Variants in CDH10 observed in about 807,000 individuals in gnomAD.
CDH10 encodes the protein cadherin 10, also known as cadherin-10.
CDH10 carries 30 observed loss-of-function variants against 73.1 expected under a neutral mutation model. The observed-to-expected ratio is 0.41, with a 90% CI of 0.31 to 0.56. CDH10 has a LOEUF of 0.56. Among genes scored for constraint, CDH10 ranks in the 20% least tolerant of loss-of-function variants. The probability of loss-of-function intolerance (pLI) is 0.27; values close to 1 mark genes in which losing one functional copy is unlikely to be tolerated. For synonymous variants in CDH10, 345 were observed against 348.2 expected, an observed-to-expected ratio of 0.99 and a Z score of 0.10; for missense variants, 815 against 973.7, an observed-to-expected ratio of 0.84 and a Z score of 2.17.
At chr5:24,518,575 G>A (rs4296771) in intron 5 of CDH10, among the ~76,000 whole-genome samples, 72,289 of 151,440 alleles carry the variant, frequency 0.48, 17,318 homozygotes, top group East Asian at 0.58. Flanking sequence ...CTTATTCACA[G>A]TCTTTAGTAA....
intron 9 of CDH10, among the ~76,000 whole-genome samples, chr5:24,494,191 T>G (rs1579713806): frequency 1.3e-5 from 2 of 152,040 alleles, no homozygotes; most frequent in East Asian, 3.9e-4. Context: ...TTGACTAAAT[T>G]TTAATTGTAA....
intron 5 of CDH10, among the ~76,000 whole-genome samples, chr5:24,513,891 T>C (rs1743011726): frequency 6.6e-6 from 1 of 152,258 alleles, no homozygotes; most frequent in Non-Finnish European, 1.5e-5. Flanking sequence ...CATTAATAGC[T>C]TAACTGAAAA....
At chr5:24,634,059 T>C (rs1037712401) in intron 1 of CDH10, among the ~76,000 whole-genome samples, 3 of 151,872 alleles carry the variant, frequency 2.0e-5, no homozygotes, top group Non-Finnish European at 2.9e-5. Flanking sequence ...CTGATCACGT[T>C]GTGAAGCCTA....
chr5:24,528,183 A>G (rs540087394), intron 5 of CDH10, among the ~76,000 whole-genome samples: 1 of 151,756 alleles, frequency 6.6e-6, no homozygotes, highest in South Asian at 2.1e-4. Context: ...ATGAACATAA[A>G]TCGTAGAACA....
At chr5:24,524,119 C>T (rs1743439890) in intron 5 of CDH10, among the ~76,000 whole-genome samples, 1 of 152,120 alleles carries the variant, frequency 6.6e-6, no homozygotes, top group African/African-American at 2.4e-5. Context: ...CAGTTCCCTA[C>T]ATACAGAAGT....
intron 5 of CDH10, among the ~76,000 whole-genome samples, chr5:24,514,563 C>T (rs6452210): frequency 0.48 from 72,697 of 151,984 alleles, 17,500 homozygotes; most frequent in East Asian, 0.58. Context: ...TTAAATTTTA[C>T]ACAAGTGGCA....
At chr5:24,495,656 G>A (rs1176867423) in intron 9 of CDH10, among the ~76,000 whole-genome samples, 3 of 151,976 alleles carry the variant, frequency 2.0e-5, no homozygotes, top group Non-Finnish European at 4.4e-5. Flanking sequence ...AGACCATCCT[G>A]GCCAACATGG....
chr5:24,584,244 T>G (rs2112065753), intron 2 of CDH10, among the ~76,000 whole-genome samples: 1 of 152,212 alleles, frequency 6.6e-6, no homozygotes, highest in Non-Finnish European at 1.5e-5. Flanking sequence ...GTGATAGTAA[T>G]TATACCAATA....
rs199540371 is a variant in CDH10, at chr5:24,521,621, GA to G, written c.815-10108del. Among the ~76,000 whole-genome samples the G allele has an allele frequency of 5.1e-3, 763 of 148,790 alleles. 11 individuals are homozygous for G. The highest frequency in any genetic ancestry group is 0.018 in the African/African-American group (717 of 40,462). On this transcript the variant is annotated intron_variant, in intron 5 of 11. Transcript: ENST00000264463. ...GAGTGAAACTCTGTCTCAAAAAAAA[GA>G]AAAAAAAATTAAAAGCATAAAAACA...
At chr5:24,586,946 G>A (rs956833179) in intron 2 of CDH10, among the ~76,000 whole-genome samples, 1 of 147,034 alleles carries the variant, frequency 6.8e-6, no homozygotes. Context: ...CCGGGTTCAC[G>A]CCATTCTCCT....
At chr5:24,584,076 T>C (rs555559140) in intron 2 of CDH10, among the ~76,000 whole-genome samples, 2 of 152,312 alleles carry the variant, frequency 1.3e-5, no homozygotes, top group African/African-American at 4.8e-5. Flanking sequence ...TGAAGGCACA[T>C]ATTTTTTTCT....
rs542726575 is a variant in CDH10, at chr5:24,596,757, C to T, written c.-123-3144G>A. On this transcript the variant is annotated intron_variant, in intron 1 of 11. Coordinates refer to ENST00000264463, the MANE Select transcript of CDH10 (RefSeq NM_006727.5). ...TGAATAATATCCAGGTGATTTGAAACGTATTGAATTTTCCTCAATAGTAAA... is the reference window on the plus strand; with the variant it reads ...TGAATAATATCCAGGTGATTTGAAATGTATTGAATTTTCCTCAATAGTAAA... 1.8e-3 allele frequency among the ~76,000 whole-genome samples: 271 copies of T among 151,924 alleles called. 2 individuals carry two copies. Among genetic ancestry groups the T allele is most frequent in the South Asian group, 0.016 (76 of 4,820 alleles).
intron 7 of CDH10, 134 bp from the exon 8 acceptor site, chr5:24,505,382 G>A: frequency 1.4e-6 from 1 of 723,122 alleles, no homozygotes; most frequent in South Asian, 1.6e-5. Flanking sequence ...AATGTAGATT[G>A]TTTGAATGAC....
chr5:24,552,211 T>C (rs1488601603), intron 2 of CDH10, among the ~76,000 whole-genome samples: 1 of 152,034 alleles, frequency 6.6e-6, no homozygotes, highest in Admixed American at 6.6e-5. Context: ...ACTTTTGCCA[T>C]ATGAATTTGT....
chr5:24,498,136 A>T (rs1386787816), intron 9 of CDH10, among the ~76,000 whole-genome samples: 1 of 152,044 alleles, frequency 6.6e-6, no homozygotes. Context: ...GAAAGTAGTT[A>T]TTTTTTCTTA....
chr5:24,619,478 C>G (rs1310143684), intron 1 of CDH10, among the ~76,000 whole-genome samples: 4 of 152,112 alleles, frequency 2.6e-5, no homozygotes, highest in Non-Finnish European at 5.9e-5. Context: ...CAGGCGTGAG[C>G]CACCGTGCCC....
At chr5:24,622,776 T>C (rs1440840569) in intron 1 of CDH10, among the ~76,000 whole-genome samples, 1 of 152,194 alleles carries the variant, frequency 6.6e-6, no homozygotes, top group African/African-American at 2.4e-5. Flanking sequence ...AATAAAAGTA[T>C]AGGTAGTTAG....
chr5:24,507,799 GT>G (rs558489314), intron 7 of CDH10, among the ~76,000 whole-genome samples: 190 of 152,222 alleles, frequency 1.2e-3, no homozygotes, highest in African/African-American at 4.5e-3. Flanking sequence ...CAGCAATACA[GT>G]TGTTGGTAAA....
chr5:24,487,678 A>G lies in CDH10; in HGVS notation c.2352T>C (p.Ser784=). 6.2e-7 allele frequency: 1 copy of G among 1,611,646 alleles called. No individual in the cohort carries two copies. Among genetic ancestry groups the G allele is most frequent in the East Asian group, 2.2e-5 (1 of 44,838 alleles). The change falls in exon 12 of 12, where the codon AGT becomes AGC. Residue 784 remains serine (S), a synonymous_variant. Coordinates refer to ENST00000264463, the MANE Select transcript of CDH10 (RefSeq NM_006727.5). ...ATATCCTACGTTAAGAGTCTTTGTCACTTTCCCCACCACCATACATTTCTG... is the reference window on the plus strand; with the variant it reads ...ATATCCTACGTTAAGAGTCTTTGTCGCTTTCCCCACCACCATACATTTCTG... ...KLAEMYGGGE[S]DKDS is the part of the protein sequence containing the mutation.
Sources: gnomAD v4.1 joint callset for allele counts (sites outside exome capture counted in the v4.1 genomes callset) on GRCh38, gnomAD v4.1.1 for gene constraint, MANE v1.5 for transcripts, NCBI Gene and HGNC (gene_info 2026-07-23, HGNC 2026-07-21) for gene names.